Variants in L3HYPDH observed in about 807,000 individuals in gnomAD.
The protein encoded by L3HYPDH is trans-3-hydroxy-L-proline dehydratase.
L3HYPDH carries 32 observed loss-of-function variants against 26.5 expected under a neutral mutation model. That is an observed-to-expected ratio of 1.21 (90% CI 0.91 to 1.62). The LOEUF is 1.62. L3HYPDH is among the 40% of genes most tolerant of loss of function. The pLI, the probability that L3HYPDH is intolerant of heterozygous loss-of-function variation, is 0.00. For synonymous variants in L3HYPDH, 215 were observed against 196.6 expected, an observed-to-expected ratio of 1.09 and a Z score of -0.78; for missense variants, 554 against 476.4, an observed-to-expected ratio of 1.16 and a Z score of -1.52.
chr14:59,493,270 G>A, the L3HYPDH span, among the ~76,000 whole-genome samples: 2 of 152,176 alleles, frequency 1.3e-5, no homozygotes, highest in Admixed American at 1.3e-4. Flanking sequence ...GAAGCCATAT[G>A]GAAGAGAACC....
chr14:59,473,279 G>T (rs1889395655), intron 4 of L3HYPDH, among the ~76,000 whole-genome samples, 189 bp from the exon 5 acceptor site: 1 of 152,174 alleles, frequency 6.6e-6, no homozygotes, highest in Non-Finnish European at 1.5e-5. Context: ...GTAAAGTGGG[G>T]ATCAAACTGG....
the L3HYPDH span, chr14:59,495,036 A>G: frequency 6.9e-4 from 1,109 of 1,613,712 alleles, 14 homozygotes; most frequent in South Asian, 0.012. Flanking sequence ...CACTTTTCCA[A>G]CACATCACTG....
chr14:59,478,978 A>G (rs1214459060), intron 2 of L3HYPDH: 1 of 434,270 alleles, frequency 2.3e-6, no homozygotes, highest in African/African-American at 2.1e-5. Context: ...GTTGGGCCAC[A>G]TTCAAAGCCA....
At chr14:59,505,060 A>G in the L3HYPDH span, 3 of 402,830 alleles carry the variant, frequency 7.4e-6, no homozygotes, top group Middle Eastern at 6.3e-4. Context: ...CAACCTGACC[A>G]TGTTTATCCA....
At chr14:59,498,851 G>C in the L3HYPDH span, 6 of 1,611,842 alleles carry the variant, frequency 3.7e-6, no homozygotes, top group Non-Finnish European at 4.2e-6. Flanking sequence ...TATTTATGCT[G>C]CACTTTACTT....
upstream of L3HYPDH, among the ~76,000 whole-genome samples, chr14:59,486,124 A>C (rs1359671944): frequency 6.6e-6 from 1 of 152,226 alleles, no homozygotes; most frequent in Non-Finnish European, 1.5e-5. Context: ...ATATTGGCCC[A>C]GTGACAGCCT....
Position 59,484,055 on chromosome 14 carries a change from C to G in L3HYPDH, c.262G>C (p.Ala88Pro). The change falls in exon 1 of 5, where the codon GCG (alanine) becomes CCG (proline). Residue 88 changes from alanine (A) to proline (P), a missense_variant. Coordinates refer to ENST00000247194, the MANE Select transcript of L3HYPDH (RefSeq NM_144581.2). ...TGCAGGAACAGGACGCCCAGATGCGCGTCCGGCAGCTCGCTCGGGACTAGG... is the reference window on the plus strand; with the variant it reads ...TGCAGGAACAGGACGCCCAGATGCGGGTCCGGCAGCTCGCTCGGGACTAGG... Reference protein sequence around the residue: ...AVLVPSELPDAHLGVLFLHNE... With the variant: ...AVLVPSELPDPHLGVLFLHNE... The G allele has an allele frequency of 1.2e-6, 2 of 1,606,886 alleles. No homozygotes were observed. Among genetic ancestry groups the G allele is most frequent in the Non-Finnish European group, 1.7e-6 (2 of 1,179,582 alleles).
At chr14:59,500,162 A>C in the L3HYPDH span, among the ~76,000 whole-genome samples, 1 of 152,142 alleles carries the variant, frequency 6.6e-6, no homozygotes, top group Non-Finnish European at 1.5e-5. Context: ...TTTTGTTTTG[A>C]AAAGTTGATT....
At chr14:59,481,299 G>A (rs951798478) in intron 1 of L3HYPDH, among the ~76,000 whole-genome samples, 5 of 152,060 alleles carry the variant, frequency 3.3e-5, no homozygotes, top group African/African-American at 7.2e-5. Context: ...TACTTCCTAT[G>A]TGGCAGGTCT....
At chr14:59,492,200 G>A in the L3HYPDH span, among the ~76,000 whole-genome samples, 1 of 152,124 alleles carries the variant, frequency 6.6e-6, no homozygotes, top group African/African-American at 2.4e-5. Context: ...ATAAATACAT[G>A]TGATGGGGAA....
upstream of L3HYPDH, chr14:59,484,472 G>C (rs1890339959): frequency 1.4e-6 from 2 of 1,417,610 alleles, no homozygotes; most frequent in Non-Finnish European, 1.9e-6. Context: ...AGGAACTTCG[G>C]AGCTGTCGCC....
At chr14:59,501,021 C>G in the L3HYPDH span, 4 of 561,736 alleles carry the variant, frequency 7.1e-6, no homozygotes, top group African/African-American at 7.8e-5. Flanking sequence ...CTATCTTGCC[C>G]TTTCCAGAAA....
rs748137185 is a variant in L3HYPDH, at chr14:59,476,188, T to G, written c.705A>C (p.Glu235Asp). 6.2e-7 allele frequency: 1 copy of G among 1,606,552 alleles called. No homozygotes were observed. The change falls in exon 3 of 5, where the codon GAA (glutamate) becomes GAC (aspartate). Residue 235 changes from glutamate to aspartate, a missense_variant. Physicochemically the swap from Glu to Asp is conservative, Grantham distance 45 (BLOSUM62 2). Coordinates refer to ENST00000247194, the MANE Select transcript of L3HYPDH (RefSeq NM_144581.2). ...TAGTTCCATATAAAAAGGCAAGGTC[T>G]TCACTATCAGGATGATTAATTTTAA... Reference protein sequence around the residue: ...AQFKINHPDSEDLAFLYGTIL... With the variant: ...AQFKINHPDSDDLAFLYGTIL...
upstream of L3HYPDH, chr14:59,484,483 C>T: frequency 6.9e-7 from 1 of 1,448,750 alleles, no homozygotes; most frequent in South Asian, 1.2e-5. Flanking sequence ...AGCTGTCGCC[C>T]GGGTTACCGG....
At chr14:59,477,243 G>A (rs1254619773) in intron 2 of L3HYPDH, among the ~76,000 whole-genome samples, 1 of 152,176 alleles carries the variant, frequency 6.6e-6, no homozygotes, top group Non-Finnish European at 1.5e-5. Context: ...GAGTCTCCAG[G>A]ATCTAGCAGA....
At chr14:59,504,950 T>G in the L3HYPDH span, 1 of 220,530 alleles carries the variant, frequency 4.5e-6, no homozygotes, top group East Asian at 9.4e-5. Context: ...GGTTGGTTTG[T>G]GGTTTGTGAT....
chr14:59,498,625 G>A, the L3HYPDH span: 980 of 670,836 alleles, frequency 1.5e-3, 7 homozygotes, highest in African/African-American at 0.015. Flanking sequence ...GAGTAAATAT[G>A]CTTTTTAAAC....
intron 1 of L3HYPDH, among the ~76,000 whole-genome samples, chr14:59,481,881 G>GC (rs1304575647): frequency 6.6e-6 from 1 of 152,162 alleles, no homozygotes; most frequent in East Asian, 1.9e-4. Flanking sequence ...TCTCCTAAAA[G>GC]AGTTGTTTTG....
chr14:59,484,269 C>T lies in L3HYPDH; in HGVS notation c.48G>A (p.Gly16=), dbSNP rs756825013. ...AVPRLPPHDP[G]TPVLSVVDMH... ...TGTCCACCACCGACAGCACCGGCGTCCCTGGATCATGCGGGGGCAGCCGGG... is the reference window on the plus strand; with the variant it reads ...TGTCCACCACCGACAGCACCGGCGTTCCTGGATCATGCGGGGGCAGCCGGG... Residue 16 remains glycine, a synonymous_variant, in exon 1 of 5, where the codon GGG becomes GGA. Transcript: ENST00000247194. 26 of 1,596,858 alleles carry T rather than the reference C, an allele frequency of 1.6e-5. No individual in the cohort carries two copies. In the South Asian group the frequency reaches 2.2e-4, roughly 14 times the overall value.
Sources: gnomAD v4.1 joint callset for allele counts (sites outside exome capture counted in the v4.1 genomes callset) on GRCh38, gnomAD v4.1.1 for gene constraint, MANE v1.5 for transcripts, NCBI Gene and HGNC (gene_info 2026-07-23, HGNC 2026-07-21) for gene names.